Variants in SWI5 observed in about 807,000 individuals in gnomAD.
The protein encoded by SWI5 is SWI5 homologous recombination repair protein.
A neutral mutation model predicts 17.0 loss-of-function variants in SWI5; 12 were observed. The observed-to-expected ratio is 0.71, with a 90% confidence interval of 0.45 to 1.14. SWI5 has a LOEUF of 1.14. SWI5 is among the 50% of genes most tolerant of loss of function. The probability of loss-of-function intolerance (pLI) is 0.00; values close to 1 mark genes in which losing one functional copy is unlikely to be tolerated. For synonymous variants in SWI5, 61 were observed against 64.0 expected, an observed-to-expected ratio of 0.95 and a Z score of 0.22; for missense variants, 158 against 162.2, an observed-to-expected ratio of 0.97 and a Z score of 0.14.
chr9:128,288,757 A>G (rs1564376522), exon 5 of SWI5: 1 of 1,607,092 alleles, frequency 6.2e-7, no homozygotes, highest in South Asian at 1.1e-5. Context: ...CAGGGACAGA[A>G]GGGTGTGGAC....
chr9:128,278,563 C>CAAAAA, intron 2 of SWI5: 4 of 391,950 alleles, frequency 1.0e-5, no homozygotes, highest in Non-Finnish European at 1.0e-5. Context: ...AACTCCATCT[C>CAAAAA]AAAAAAAAAA....
intron 4 of SWI5, chr9:128,286,471 C>T: frequency 6.1e-6 from 1 of 165,102 alleles, no homozygotes; most frequent in South Asian, 1.7e-4. Context: ...AGCCGAGGCA[C>T]CAACACCTGT....
At chr9:128,281,967 T>A (rs1186935963) in intron 2 of SWI5, among the ~76,000 whole-genome samples, 1 of 152,230 alleles carries the variant, frequency 6.6e-6, no homozygotes, top group Non-Finnish European at 1.5e-5. Flanking sequence ...CCTGTTGTGC[T>A]ACTCAGGAGG....
At chr9:128,278,563 C>CAAAAAAAAAAAA (rs545111384) in intron 2 of SWI5, 1 of 332,932 alleles carries the variant, frequency 3.0e-6, no homozygotes. Flanking sequence ...AACTCCATCT[C>CAAAAAAAAAAAA]AAAAAAAAAA....
At chr9:128,275,615 G>T, upstream of SWI5, 1 of 842,134 alleles carries the variant, frequency 1.2e-6, no homozygotes, top group South Asian at 2.2e-5. Context: ...AAAGAGCCCA[G>T]GGAGGTCGGA....
intron 2 of SWI5, among the ~76,000 whole-genome samples, chr9:128,284,103 C>T (rs907324821): frequency 6.6e-6 from 1 of 151,800 alleles, no homozygotes; most frequent in South Asian, 2.1e-4. Flanking sequence ...CGAGACCAGC[C>T]TGGCCAATAT....
chr9:128,288,250 C>T (rs1831679265), intron 4 of SWI5, among the ~76,000 whole-genome samples: 1 of 152,126 alleles, frequency 6.6e-6, no homozygotes, highest in Non-Finnish European at 1.5e-5. Context: ...GTGGGCCATA[C>T]TGAGGAGTCT....
rs763654836 is a variant in SWI5 at position 128,286,050 on chromosome 9, C to G, written c.328+17C>G. 6.3e-7 allele frequency: 1 copy of G among 1,582,868 alleles called. No individual in the cohort carries two copies. The highest frequency in any genetic ancestry group is 1.1e-5 in the South Asian group (1 of 90,374). ...GCAAACTAGGTGAGTAGTTGGGACT[C>G]CAGAGCCACAAGCAGGCATCATAGG... On this transcript the variant is annotated intron_variant, in intron 4 of 4. Coordinates refer to ENST00000418976, the Ensembl canonical transcript of SWI5.
At chr9:128,275,672 G>A (rs1831291384), upstream of SWI5, among the ~76,000 whole-genome samples, 1 of 152,126 alleles carries the variant, frequency 6.6e-6, no homozygotes, top group Admixed American at 6.5e-5. Flanking sequence ...GGGGAGCCCC[G>A]GGAGCACCAG....
chr9:128,282,163 C>T (rs550983133), intron 2 of SWI5, among the ~76,000 whole-genome samples: 15 of 152,174 alleles, frequency 9.9e-5, no homozygotes, highest in African/African-American at 3.4e-4. Flanking sequence ...CTGAGGTGGG[C>T]GGATCACGAT....
At chr9:128,281,070 C>T (rs188650778) in intron 2 of SWI5, among the ~76,000 whole-genome samples, 170 of 118,504 alleles carry the variant, frequency 1.4e-3, no homozygotes, top group Non-Finnish European at 1.4e-3. Context: ...GAGAGTCTCG[C>T]TCTGTCACCC....
Position 128,285,470 on chromosome 9 carries a change from C to T in SWI5, c.234-469C>T, listed in dbSNP as rs1831622725. Among the ~76,000 whole-genome samples, 1 of 152,222 alleles carries T rather than the reference C, an allele frequency of 6.6e-6. No homozygotes were observed. The highest frequency in any genetic ancestry group is 1.5e-5 in the Non-Finnish European group (1 of 68,036). On this transcript the variant is annotated intron_variant, in intron 3 of 4. Coordinates refer to ENST00000418976, the Ensembl canonical transcript of SWI5. This position sits in a 1 kb window ranked among gnomAD's most constrained non-coding sequence, Gnocchi z 4.8. The stretch of plus-strand genomic sequence containing the variant: ...TCCGGAGCCATGTTCTCCACCTCTG[C>T]TTCCCTCTGCACAGACTCCATTCTC...
chr9:128,284,276 G>A lies in SWI5; in HGVS notation c.112-234G>A, dbSNP rs562883123. 6.5e-5 allele frequency among the ~76,000 whole-genome samples: 9 copies of A among 137,960 alleles called. No individual in the cohort carries two copies. In the East Asian group the frequency reaches 1.7e-3, roughly 26 times the overall value. The allele number at this position is 137,960 out of a possible 152,430, so 90.5% of individuals were successfully genotyped here. A position where few individuals can be genotyped will look rare whatever the true frequency, so the allele number is the denominator to read the frequency against. ...TGCACTCCAGTCTGGGCAACAGAGC[G>A]AGACTCCGTCTCAAAAAAAAAAAAA... On this transcript the variant is annotated intron_variant, in intron 2 of 4. Coordinates refer to ENST00000418976, the Ensembl canonical transcript of SWI5.
intron 2 of SWI5, among the ~76,000 whole-genome samples, chr9:128,280,233 G>C (rs527851093): frequency 2.6e-5 from 4 of 151,940 alleles, no homozygotes; most frequent in South Asian, 2.1e-4. Flanking sequence ...CTACACACCT[G>C]CTCCAAGTTC....
At chr9:128,279,956 C>T (rs1022503115) in intron 2 of SWI5, among the ~76,000 whole-genome samples, 2 of 152,170 alleles carry the variant, frequency 1.3e-5, no homozygotes, top group African/African-American at 4.8e-5. Context: ...CCTTCAGCAC[C>T]TGACCCTATA....
chr9:128,276,156 G>A (rs376841742), upstream of SWI5: 3 of 1,568,304 alleles, frequency 1.9e-6, no homozygotes, highest in African/African-American at 2.7e-5. Flanking sequence ...ATGCAGCGGC[G>A]TGGCCAGAGG....
At chr9:128,278,969 C>T (rs928709575) in intron 2 of SWI5, among the ~76,000 whole-genome samples, 1 of 151,844 alleles carries the variant, frequency 6.6e-6, no homozygotes, top group South Asian at 2.1e-4. Flanking sequence ...GACGGTTTTG[C>T]CATGTTGGCC....
Position 128,276,336 on chromosome 9 carries a change from C to T in SWI5, c.-5C>T, listed in dbSNP as rs747111566. 7 of 1,613,088 alleles carry T rather than the reference C, an allele frequency of 4.3e-6. No individual in the cohort carries two copies. The Admixed American group carries it at 1.0e-4, about 23-fold the overall frequency. ...CACCTGAGAGGTCGCTCTCCGACTC[C>T]CGCGCTGGACCCTCTTGCGCCATTG... On this transcript the variant is annotated 5_prime_UTR_variant, in exon 1 of 5. Transcript: ENST00000418976.
At chr9:128,288,597 G>A in intron 4 of SWI5, 55 bp from the exon 5 acceptor site, 2 of 1,597,000 alleles carry the variant, frequency 1.3e-6, no homozygotes, top group East Asian at 2.2e-5. Flanking sequence ...GGCATTGGCT[G>A]TACTCCCTCC....
Sources: allele counts gnomAD v4.1 joint callset (sites outside exome capture counted in the v4.1 genomes callset), GRCh38; gene constraint gnomAD v4.1.1; non-coding constraint Gnocchi (gnomAD v3.1); transcripts MANE v1.5; gene names NCBI Gene and HGNC (gene_info 2026-07-23, HGNC 2026-07-21).